The following ODAD2 variants were observed in gnomAD, a reference collection of about 807,000 sequenced individuals.
ODAD2 encodes the protein outer dynein arm docking complex subunit 2, also known as outer dynein arm-docking complex subunit 2.
In ODAD2, 89 loss-of-function variants were observed where a neutral mutation model predicts 106.8. The observed-to-expected ratio is 0.83, with a 90% CI of 0.70 to 0.99. The LOEUF is 0.99. Among genes scored for constraint, ODAD2 ranks in the 50% least tolerant of loss-of-function variants. ODAD2 has a pLI of 0.00. For missense variants in ODAD2, 1,168 were observed against 1,238.5 expected (o/e 0.94, Z 0.85); for synonymous variants, 404 against 436.2 (o/e 0.93, Z 0.92).
At chr10:27,977,877 C>T (rs1275130223) in intron 7 of ODAD2, among the ~76,000 whole-genome samples, 1 of 152,176 alleles carries the variant, frequency 6.6e-6, no homozygotes, top group Non-Finnish European at 1.5e-5. Context: ...CTGACCATAT[C>T]AGTTAATGAT....
At chr10:27,886,314 C>T (rs1431807894) in intron 17 of ODAD2, among the ~76,000 whole-genome samples, 1 of 150,308 alleles carries the variant, frequency 6.7e-6, no homozygotes, top group African/African-American at 2.4e-5. Flanking sequence ...CAACAATATA[C>T]ATATCAGTAG....
At chr10:27,875,735 A>G (rs1841288936) in intron 17 of ODAD2, among the ~76,000 whole-genome samples, 1 of 152,210 alleles carries the variant, frequency 6.6e-6, no homozygotes, top group South Asian at 2.1e-4. Flanking sequence ...CATGAGCCAA[A>G]GCAGGGCAAG....
intron 3 of ODAD2, among the ~76,000 whole-genome samples, chr10:27,985,628 G>A (rs181864361): frequency 7.2e-5 from 11 of 152,214 alleles, no homozygotes; most frequent in African/African-American, 2.6e-4. Context: ...GTGTGTAGCA[G>A]TGCTGGGTAT....
chr10:27,815,800 C>T (rs1490961812), intron 19 of ODAD2, among the ~76,000 whole-genome samples: 1 of 152,178 alleles, frequency 6.6e-6, no homozygotes, highest in Non-Finnish European at 1.5e-5. Flanking sequence ...AAATGGCATT[C>T]ATATGGAACC....
chr10:27,952,437 G>A (rs754354270), intron 10 of ODAD2, among the ~76,000 whole-genome samples: 3 of 150,812 alleles, frequency 2.0e-5, no homozygotes, highest in African/African-American at 4.9e-5. Context: ...TGTGCAGAAC[G>A]TGCAGGTTTG....
intron 1 of ODAD2, among the ~76,000 whole-genome samples, chr10:27,996,757 C>T (rs1159820337): frequency 6.6e-6 from 1 of 152,074 alleles, no homozygotes; most frequent in African/African-American, 2.4e-5. Context: ...AAAATGACAC[C>T]ATTGATGGCA....
chr10:27,854,935 AC>A (rs980958225), intron 19 of ODAD2, among the ~76,000 whole-genome samples: 44 of 152,178 alleles, frequency 2.9e-4, no homozygotes, highest in African/African-American at 9.9e-4. Flanking sequence ...TACTGTAGGA[AC>A]CCATTTTTCT....
At chr10:27,854,712 C>T (rs1402174031) in intron 19 of ODAD2, among the ~76,000 whole-genome samples, 3 of 151,922 alleles carry the variant, frequency 2.0e-5, no homozygotes, top group Non-Finnish European at 4.4e-5. Flanking sequence ...GCCCAGATCG[C>T]GCCACTGAAC....
chr10:27,917,496 G>C (rs568846990), intron 16 of ODAD2, among the ~76,000 whole-genome samples: 1 of 151,824 alleles, frequency 6.6e-6, no homozygotes, highest in South Asian at 2.1e-4. Flanking sequence ...ACACAAATAA[G>C]TACAATAAAT....
chr10:27,961,439 A>G, intron 10 of ODAD2, 129 bp downstream of exon 10: 1 of 953,486 alleles, frequency 1.0e-6, no homozygotes, highest in Non-Finnish European at 1.6e-6. Flanking sequence ...ACAAACTTAG[A>G]TAAAACAACA....
intron 17 of ODAD2, among the ~76,000 whole-genome samples, chr10:27,898,487 A>G (rs1842989587): frequency 6.6e-6 from 1 of 152,076 alleles, no homozygotes; most frequent in East Asian, 1.9e-4. Flanking sequence ...TGTCTTTAAC[A>G]TGGTTAGTAT....
At chr10:27,835,618 C>A (rs558708526) in intron 19 of ODAD2, among the ~76,000 whole-genome samples, 1 of 151,892 alleles carries the variant, frequency 6.6e-6, no homozygotes, top group Non-Finnish European at 1.5e-5. Context: ...ATAACATAAA[C>A]AGTCGATCAA....
At chr10:27,983,481 T>A (rs192992055) in intron 6 of ODAD2, among the ~76,000 whole-genome samples, 72 of 152,348 alleles carry the variant, frequency 4.7e-4, no homozygotes, top group African/African-American at 1.6e-3. Flanking sequence ...CTCCAACTCT[T>A]AGGATGCAAG....
chr10:27,877,527 T>C (rs1035267880), intron 17 of ODAD2, among the ~76,000 whole-genome samples: 1 of 148,520 alleles, frequency 6.7e-6, no homozygotes, highest in African/African-American at 2.4e-5. Flanking sequence ...TTCTTTCTTT[T>C]CTTTTTTCCT....
At chr10:27,953,473 C>T (rs1847509050) in intron 10 of ODAD2, among the ~76,000 whole-genome samples, 1 of 151,986 alleles carries the variant, frequency 6.6e-6, no homozygotes, top group Non-Finnish European at 1.5e-5. Context: ...ATGTATATAT[C>T]CAAACAATGT....
intron 19 of ODAD2, among the ~76,000 whole-genome samples, chr10:27,839,651 C>T (rs1017654905): frequency 2.0e-5 from 3 of 152,044 alleles, no homozygotes; most frequent in Admixed American, 6.6e-5. Context: ...TTCATGTGAG[C>T]GCCAGAAAAA....
chr10:27,891,279 T>C (rs1589941239), intron 17 of ODAD2, among the ~76,000 whole-genome samples: 1 of 152,174 alleles, frequency 6.6e-6, no homozygotes, highest in Non-Finnish European at 1.5e-5. Context: ...AGAAATTAAC[T>C]TCTCTTCTCT....
intron 14 of ODAD2, among the ~76,000 whole-genome samples, chr10:27,939,566 A>G (rs1036728864): frequency 1.3e-5 from 2 of 152,030 alleles, no homozygotes; most frequent in Non-Finnish European, 2.9e-5. Context: ...TCTACCAAAA[A>G]TACAAAAACA....
At chr10:27,868,294 G>A (rs1319441683) in intron 17 of ODAD2, among the ~76,000 whole-genome samples, 1 of 152,102 alleles carries the variant, frequency 6.6e-6, no homozygotes, top group Non-Finnish European at 1.5e-5. Context: ...TCTAGAACCA[G>A]AAATAAAATT....
Sources: allele counts gnomAD v4.1 joint callset (sites outside exome capture counted in the v4.1 genomes callset), GRCh38; gene constraint gnomAD v4.1.1; transcripts MANE v1.5; gene names NCBI Gene and HGNC (gene_info 2026-07-23, HGNC 2026-07-21).